Variants in ITFG1 observed in about 807,000 individuals in gnomAD.
The protein encoded by ITFG1 is integrin alpha FG-GAP repeat containing 1.
ITFG1 carries 34 observed loss-of-function variants against 81.8 expected under a neutral mutation model. The observed-to-expected ratio is 0.42, with a 90% CI of 0.32 to 0.55. The LOEUF is 0.55. Among genes scored for constraint, ITFG1 ranks in the 20% least tolerant of loss-of-function variants. The pLI is 0.17. For missense variants in ITFG1, 672 were observed against 755.4 expected, an observed-to-expected ratio of 0.89 and a Z score of 1.29; for synonymous variants, 285 against 270.6, an observed-to-expected ratio of 1.05 and a Z score of -0.52.
intron 6 of ITFG1, among the ~76,000 whole-genome samples, chr16:47,415,169 C>A (rs979191012): frequency 6.6e-6 from 1 of 152,160 alleles, no homozygotes; most frequent in Non-Finnish European, 1.5e-5. Flanking sequence ...TGGACAAGAA[C>A]CTGGATGCTG....
intron 12 of ITFG1, among the ~76,000 whole-genome samples, chr16:47,240,638 C>T (rs1965922575): frequency 6.6e-6 from 1 of 151,920 alleles, no homozygotes; most frequent in Admixed American, 6.6e-5. Context: ...AGCCAAGAGG[C>T]GGAAGCAAGC....
intron 6 of ITFG1, among the ~76,000 whole-genome samples, chr16:47,388,268 A>C (rs1968487228): frequency 1.3e-5 from 2 of 152,206 alleles, no homozygotes; most frequent in Non-Finnish European, 2.9e-5. Context: ...GAGAGAGAAG[A>C]CAAAGAAAAA....
In ITFG1 at chr16:47,374,522, A is replaced by C. The variant is rs537248624; in HGVS notation, c.720+1354T>G. On this transcript the variant is annotated intron_variant, in intron 7 of 17. Transcript: ENST00000320640. ...TATAATGAGGCTTCCCCCGACCCTCAGATACAAGTTAATCAAATACACCTC... is the reference window on the plus strand; with the variant it reads ...TATAATGAGGCTTCCCCCGACCCTCCGATACAAGTTAATCAAATACACCTC... Among the ~76,000 whole-genome samples the C allele has an allele frequency of 8.5e-5, 13 of 152,274 alleles. 1 individual carries two copies. The highest frequency in any genetic ancestry group is 2.9e-4 in the African/African-American group (12 of 41,554).
At chr16:47,429,175 C>CTA (rs1426603421) in intron 5 of ITFG1, among the ~76,000 whole-genome samples, 3 of 152,162 alleles carry the variant, frequency 2.0e-5, no homozygotes, top group Non-Finnish European at 4.4e-5. Flanking sequence ...CATTCTGTCT[C>CTA]TATTCAGGAC....
In ITFG1 at chr16:47,364,542, C is replaced by T. The variant is rs118027918; in HGVS notation, c.802+1246G>A. 3.1e-4 allele frequency among the ~76,000 whole-genome samples: 47 copies of T among 152,232 alleles called. No individual in the cohort carries two copies. The East Asian group carries it at 8.3e-3, about 27-fold the overall frequency. ...CCTAAAGAGAGACTTGCAGATAGAGCTGTTATTAATCTAGCTAATCAAATT... is the reference window on the plus strand; with the variant it reads ...CCTAAAGAGAGACTTGCAGATAGAGTTGTTATTAATCTAGCTAATCAAATT... On this transcript the variant is annotated intron_variant, in intron 8 of 17. Coordinates refer to ENST00000320640, the MANE Select transcript of ITFG1 (RefSeq NM_030790.5).
chr16:47,269,656 A>AC, intron 10 of ITFG1, among the ~76,000 whole-genome samples: 1 of 152,318 alleles, frequency 6.6e-6, no homozygotes, highest in East Asian at 1.9e-4. Context: ...TATATGCACT[A>AC]CATTCATAGT....
chr16:47,224,547 A>C (rs530972729), intron 13 of ITFG1, among the ~76,000 whole-genome samples: 207 of 152,342 alleles, frequency 1.4e-3, no homozygotes, highest in Non-Finnish European at 2.5e-3. Flanking sequence ...TAGTCTGGGA[A>C]AGTTACTGAA....
At chr16:47,188,148 C>G (rs1314583958) in intron 14 of ITFG1, among the ~76,000 whole-genome samples, 1 of 148,832 alleles carries the variant, frequency 6.7e-6, no homozygotes, top group East Asian at 2.0e-4. Flanking sequence ...AATAGGAACA[C>G]TTTTACACTG....
chr16:47,348,806 G>A (rs1187867868), intron 8 of ITFG1, among the ~76,000 whole-genome samples: 1 of 152,210 alleles, frequency 6.6e-6, no homozygotes, highest in Non-Finnish European at 1.5e-5. Context: ...AGGACAGCCA[G>A]AGAGAAAGGT....
chr16:47,370,785 C>G (rs1228125287), intron 7 of ITFG1, among the ~76,000 whole-genome samples: 1 of 152,148 alleles, frequency 6.6e-6, no homozygotes, highest in South Asian at 2.1e-4. Context: ...CCTGCCGGGT[C>G]GAGAGGGCAG....
At chr16:47,425,029 T>C (rs1209500177) in intron 6 of ITFG1, among the ~76,000 whole-genome samples, 1 of 152,178 alleles carries the variant, frequency 6.6e-6, no homozygotes, top group African/African-American at 2.4e-5. Context: ...TGTTCTGCTA[T>C]GCCCTGCCCC....
chr16:47,389,443 G>A (rs1473225033), intron 6 of ITFG1, among the ~76,000 whole-genome samples: 1 of 151,944 alleles, frequency 6.6e-6, no homozygotes, highest in Admixed American at 6.6e-5. Flanking sequence ...AACTGCAATG[G>A]ACCAAGAAAA....
intron 10 of ITFG1, among the ~76,000 whole-genome samples, chr16:47,285,957 C>T (rs1966867995): frequency 6.6e-6 from 1 of 152,194 alleles, no homozygotes; most frequent in Non-Finnish European, 1.5e-5. Flanking sequence ...ATTCCTTTGA[C>T]ACTCAGTGTA....
chr16:47,200,117 G>A (rs1175723225), intron 14 of ITFG1, among the ~76,000 whole-genome samples: 3 of 152,184 alleles, frequency 2.0e-5, no homozygotes, highest in African/African-American at 2.4e-5. Flanking sequence ...GGTCCAGGGG[G>A]TTGGGGACCC....
At chr16:47,383,740 A>G (rs1968424365) in intron 6 of ITFG1, among the ~76,000 whole-genome samples, 1 of 152,198 alleles carries the variant, frequency 6.6e-6, no homozygotes, top group Non-Finnish European at 1.5e-5. Context: ...TCCCGTCTCT[A>G]CTAAATACAA....
intron 7 of ITFG1, among the ~76,000 whole-genome samples, chr16:47,370,703 C>T (rs1001331516): frequency 1.3e-5 from 2 of 152,144 alleles, no homozygotes; most frequent in African/African-American, 4.8e-5. Context: ...GCTTATACAC[C>T]CCTCATCACG....
chr16:47,460,548 G>C (rs1001080146), intron 1 of ITFG1, among the ~76,000 whole-genome samples: 1 of 152,192 alleles, frequency 6.6e-6, no homozygotes, highest in Non-Finnish European at 1.5e-5. Flanking sequence ...ATTCCATGGG[G>C]AGGAGGGGGT....
At chr16:47,235,414 T>A (rs1229906992) in intron 13 of ITFG1, among the ~76,000 whole-genome samples, 1 of 152,168 alleles carries the variant, frequency 6.6e-6, no homozygotes, top group Non-Finnish European at 1.5e-5. Flanking sequence ...GAAAATAGGC[T>A]GTGGTCAGAG....
intron 5 of ITFG1, among the ~76,000 whole-genome samples, chr16:47,435,206 C>T (rs1596982300): frequency 6.6e-6 from 1 of 152,122 alleles, no homozygotes; most frequent in East Asian, 1.9e-4. Context: ...AAAAAAGTTG[C>T]TCTTTGTACA....
Sources: allele counts gnomAD v4.1 joint callset (sites outside exome capture counted in the v4.1 genomes callset), GRCh38; gene constraint gnomAD v4.1.1; transcripts MANE v1.5; gene names NCBI Gene and HGNC (gene_info 2026-07-23, HGNC 2026-07-21).